The following LHFPL6 variants were observed in gnomAD, a reference collection of about 807,000 sequenced individuals.
LHFPL6 encodes LHFPL tetraspan subfamily member 6 protein.
Under a neutral mutation model 20.6 loss-of-function variants are expected in LHFPL6, and 9 were observed. The observed-to-expected ratio is 0.44, with a 90% confidence interval of 0.26 to 0.76. LHFPL6 has a LOEUF of 0.76. LHFPL6 is among the 30% of genes least tolerant of loss of function. The probability of loss-of-function intolerance (pLI) is 0.20; values close to 1 mark genes in which losing one functional copy is unlikely to be tolerated. For missense variants in LHFPL6, 218 were observed against 253.5 expected, an observed-to-expected ratio of 0.86 and a Z score of 0.95; for synonymous variants, 105 against 98.7, an observed-to-expected ratio of 1.06 and a Z score of -0.38.
intron 3 of LHFPL6, among the ~76,000 whole-genome samples, chr13:39,348,617 C>G (rs1241293434): frequency 2.6e-5 from 4 of 152,186 alleles, no homozygotes; most frequent in Admixed American, 2.6e-4. Context: ...AAATCCTCAT[C>G]TCAGGATGCA....
chr13:39,366,956 G>A (rs1870028259), intron 3 of LHFPL6, among the ~76,000 whole-genome samples: 1 of 152,190 alleles, frequency 6.6e-6, no homozygotes. Flanking sequence ...TTCCAAGACT[G>A]TTTACTACAC....
At chr13:39,512,478 TG>T (rs1281141961) in intron 2 of LHFPL6, among the ~76,000 whole-genome samples, 2 of 151,850 alleles carry the variant, frequency 1.3e-5, no homozygotes, top group Non-Finnish European at 2.9e-5. Context: ...GGCGGGCCCC[TG>T]TAGTCCCAGC....
intron 2 of LHFPL6, among the ~76,000 whole-genome samples, chr13:39,532,889 C>G (rs574398492): frequency 3.3e-5 from 5 of 152,304 alleles, no homozygotes; most frequent in African/African-American, 1.2e-4. Context: ...TCTGAAGAAA[C>G]TAGTTAAAGT....
intron 2 of LHFPL6, among the ~76,000 whole-genome samples, chr13:39,400,465 G>T (rs947955659): frequency 5.9e-5 from 9 of 152,168 alleles, no homozygotes; most frequent in Admixed American, 5.9e-4. Flanking sequence ...TAGACAGAAT[G>T]GTTTTCAGAC....
At chr13:39,560,671 C>G (rs937334113) in intron 2 of LHFPL6, among the ~76,000 whole-genome samples, 1 of 152,120 alleles carries the variant, frequency 6.6e-6, no homozygotes, top group East Asian at 1.9e-4. Flanking sequence ...CCCGCCCCCA[C>G]GCCCGGCTAA....
intron 2 of LHFPL6, among the ~76,000 whole-genome samples, chr13:39,402,329 A>C (rs1470399831): frequency 6.6e-6 from 1 of 152,100 alleles, no homozygotes; most frequent in African/African-American, 2.4e-5. Context: ...GGCCCAAGCA[A>C]TCCTCCCACC....
rs4325425 is a variant in LHFPL6, at chr13:39,527,776, G to T, written c.385+73056C>A. 2.5e-4 allele frequency among the ~76,000 whole-genome samples: 38 copies of T among 152,156 alleles called. 1 individual carries two copies. The South Asian group carries it at 5.8e-3, about 23-fold the overall frequency. ...ATAGACTACAAAATTGGCTGGACAA[G>T]GAAAAACTCTCATACTTCTGTTATT... On this transcript the variant is annotated intron_variant, in intron 2 of 3. Coordinates refer to ENST00000379589, the MANE Select transcript of LHFPL6 (RefSeq NM_005780.3).
chr13:39,569,721 G>C (rs1440561687), intron 2 of LHFPL6, among the ~76,000 whole-genome samples: 1 of 152,162 alleles, frequency 6.6e-6, no homozygotes, highest in East Asian at 1.9e-4. Flanking sequence ...GGACAGTAAG[G>C]TGTATTCAAA....
intron 2 of LHFPL6, among the ~76,000 whole-genome samples, chr13:39,440,944 T>A (rs371666654): frequency 6.6e-6 from 1 of 152,084 alleles, no homozygotes; most frequent in South Asian, 2.1e-4. Flanking sequence ...TCTACCGCCA[T>A]GTTAGATGTG....
intron 2 of LHFPL6, among the ~76,000 whole-genome samples, chr13:39,448,360 C>A (rs374841711): frequency 6.6e-6 from 1 of 152,098 alleles, no homozygotes; most frequent in Non-Finnish European, 1.5e-5. Flanking sequence ...TTTGTCTGTA[C>A]TGCACATTTA....
intron 2 of LHFPL6, among the ~76,000 whole-genome samples, chr13:39,408,600 A>G (rs1489012112): frequency 3.9e-5 from 6 of 152,242 alleles, no homozygotes. Flanking sequence ...GTGCTTTCCT[A>G]TATTTTGTAC....
chr13:39,343,875 T>C lies in LHFPL6; in HGVS notation c.*61A>G. ...CCACCTTTTGAAGGTAGGTGGATGT[T>C]TTGACCTCTCCAAGCCCCTTTGGCC... On this transcript the variant is annotated 3_prime_UTR_variant, in exon 4 of 4. Coordinates refer to ENST00000379589, the MANE Select transcript of LHFPL6 (RefSeq NM_005780.3). 1 of 1,279,086 alleles carries C rather than the reference T, an allele frequency of 7.8e-7. No homozygotes were observed. The highest frequency in any genetic ancestry group is 1.1e-6 in the Non-Finnish European group (1 of 888,520). The allele number at this position is 1,279,086 out of a possible 1,614,324, so 79.2% of individuals were successfully genotyped here. A position where few individuals can be genotyped will look rare whatever the true frequency, so the allele number is the denominator to read the frequency against.
At chr13:39,569,170 G>GATGGATGGATGC in intron 2 of LHFPL6, among the ~76,000 whole-genome samples, 1 of 151,812 alleles carries the variant, frequency 6.6e-6, no homozygotes, top group Admixed American at 6.6e-5. Flanking sequence ...TGGATGGATG[G>GATGGATGGATGC]ATGGATGGAT....
At chr13:39,545,367 A>G (rs1870949418) in intron 2 of LHFPL6, among the ~76,000 whole-genome samples, 1 of 151,962 alleles carries the variant, frequency 6.6e-6, no homozygotes, top group Non-Finnish European at 1.5e-5. Flanking sequence ...CAGCCATACC[A>G]TATTGTGTCC....
chr13:39,391,428 G>A (rs1347008098), intron 2 of LHFPL6, among the ~76,000 whole-genome samples: 1 of 152,188 alleles, frequency 6.6e-6, no homozygotes, highest in African/African-American at 2.4e-5. Flanking sequence ...AGTTAAGAAG[G>A]AATAAAATCC....
chr13:39,461,321 A>G (rs2011719), intron 2 of LHFPL6, among the ~76,000 whole-genome samples: 83,771 of 151,952 alleles, frequency 0.55, 24,290 homozygotes, highest in East Asian at 0.9. Flanking sequence ...TCTTTTTAGT[A>G]GAATGATTTA....
intron 2 of LHFPL6, among the ~76,000 whole-genome samples, chr13:39,381,826 C>CAA (rs10581776): frequency 2.1e-3 from 294 of 140,478 alleles, no homozygotes; most frequent in African/African-American, 7.4e-3. Flanking sequence ...AATTTATAGA[C>CAA]AAAAAAAAAA....
intron 2 of LHFPL6, among the ~76,000 whole-genome samples, chr13:39,591,554 C>T (rs1399895979): frequency 6.6e-6 from 1 of 152,146 alleles, no homozygotes; most frequent in Non-Finnish European, 1.5e-5. Flanking sequence ...TCACTCTAAG[C>T]TTAACAGTGG....
chr13:39,537,828 G>T (rs980411767), intron 2 of LHFPL6, among the ~76,000 whole-genome samples: 1 of 151,966 alleles, frequency 6.6e-6, no homozygotes, highest in Non-Finnish European at 1.5e-5. Flanking sequence ...TTCAGGCACA[G>T]AACCACTAAG....
Sources: gnomAD v4.1 joint callset for allele counts (sites outside exome capture counted in the v4.1 genomes callset) on GRCh38, gnomAD v4.1.1 for gene constraint, MANE v1.5 for transcripts, NCBI Gene and HGNC (gene_info 2026-07-23, HGNC 2026-07-21) for gene names.